MAP3K13: variants seen among roughly 807,000 people sequenced by gnomAD.
MAP3K13 encodes leucine zipper-bearing kinase.
Under a neutral mutation model 104.0 loss-of-function variants are expected in MAP3K13, and 52 were observed. That is an observed-to-expected ratio of 0.50 (90% CI 0.40 to 0.63). The LOEUF is 0.63. MAP3K13 is among the 20% of genes least tolerant of loss of function. MAP3K13 has a pLI of 0.00. For missense variants in MAP3K13, 914 were observed against 1,218.5 expected, an observed-to-expected ratio of 0.75 and a Z score of 3.72; for synonymous variants, 394 against 442.2, an observed-to-expected ratio of 0.89 and a Z score of 1.37.
At chr3:185,385,264 C>G (rs578181398) in intron 1 of MAP3K13, among the ~76,000 whole-genome samples, 1 of 152,182 alleles carries the variant, frequency 6.6e-6, no homozygotes, top group Non-Finnish European at 1.5e-5. Context: ...GATTCTCCTG[C>G]CTCAGCCTCC....
intron 1 of MAP3K13, among the ~76,000 whole-genome samples, chr3:185,409,480 A>T (rs1713306271): frequency 6.6e-6 from 1 of 152,216 alleles, no homozygotes; most frequent in African/African-American, 2.4e-5. Flanking sequence ...AAAAAGATAA[A>T]AACATAAACG....
chr3:185,370,903 A>G (rs929275157), intron 1 of MAP3K13, among the ~76,000 whole-genome samples: 5 of 152,082 alleles, frequency 3.3e-5, no homozygotes, highest in Admixed American at 6.6e-5. Flanking sequence ...AATTCATCCT[A>G]TTACCTCTTT....
intron 1 of MAP3K13, among the ~76,000 whole-genome samples, chr3:185,376,624 G>A (rs968603977): frequency 1.3e-5 from 2 of 151,814 alleles, no homozygotes; most frequent in African/African-American, 2.4e-5. Flanking sequence ...GTAGGGAAAG[G>A]ATTTAGGATC....
At chr3:185,319,564 T>A (rs973898728) in intron 2 of MAP3K13, among the ~76,000 whole-genome samples, 1 of 152,246 alleles carries the variant, frequency 6.6e-6, no homozygotes, top group African/African-American at 2.4e-5. Context: ...TGGGAAGCTC[T>A]GCTAGTGTGT....
chr3:185,351,575 C>T (rs1723141978), intron 2 of MAP3K13, among the ~76,000 whole-genome samples: 2 of 152,076 alleles, frequency 1.3e-5, no homozygotes, highest in South Asian at 4.2e-4. Flanking sequence ...AGACTATGGA[C>T]AAATCTCTGA....
chr3:185,326,054 G>A (rs1031448805), intron 2 of MAP3K13, among the ~76,000 whole-genome samples: 2 of 152,034 alleles, frequency 1.3e-5, no homozygotes, highest in Admixed American at 6.6e-5. Flanking sequence ...CCTTCTCAGT[G>A]AGTCCTGAAT....
chr3:185,455,532 A>ACATATATATGACATATAT (rs1473879835), intron 7 of MAP3K13, among the ~76,000 whole-genome samples: 1 of 31,046 alleles, frequency 3.2e-5, no homozygotes, highest in Non-Finnish European at 8.3e-5. Context: ...GATATATATG[A>ACATATATATGACATATAT]GATATATATG....
In MAP3K13 at chr3:185,365,927, C is replaced by T. The variant is rs1335455951; in HGVS notation, c.-86+2559C>T. Among the ~76,000 whole-genome samples the T allele has an allele frequency of 4.6e-3, 138 of 29,826 alleles. 4 individuals are homozygous for T. Among genetic ancestry groups the T allele is most frequent in the African/African-American group, 0.011 (127 of 11,682 alleles). The allele number at this position is 29,826 out of a possible 152,430, so 19.6% of individuals were successfully genotyped here. On this transcript the variant is annotated intron_variant, in intron 1 of 13. Transcript: ENST00000265026. ...CTCCCCTCTCTTCCCCTCCCCTTTC[C>T]CTTCCCTCCCTCCCTCCCTCCCTCC...
At chr3:185,338,270 C>T (rs1318825848) in intron 2 of MAP3K13, among the ~76,000 whole-genome samples, 1 of 142,150 alleles carries the variant, frequency 7.0e-6, no homozygotes, top group African/African-American at 2.7e-5. Flanking sequence ...GCAGAGGTTG[C>T]AGTGAACCAA....
intron 2 of MAP3K13, among the ~76,000 whole-genome samples, chr3:185,328,375 G>A (rs1185483658): frequency 2.6e-5 from 4 of 152,070 alleles, no homozygotes; most frequent in Non-Finnish European, 4.4e-5. Flanking sequence ...TCAGCCTCCC[G>A]AGTAGCTGGG....
At chr3:185,366,783 T>C (rs550110578) in intron 1 of MAP3K13, among the ~76,000 whole-genome samples, 7 of 152,348 alleles carry the variant, frequency 4.6e-5, no homozygotes, top group African/African-American at 1.2e-4. Context: ...AAAAATTAAA[T>C]TATCTTTTAA....
At chr3:185,453,487 T>G (rs1400746103) in intron 7 of MAP3K13, among the ~76,000 whole-genome samples, 1 of 152,060 alleles carries the variant, frequency 6.6e-6, no homozygotes, top group East Asian at 1.9e-4. Flanking sequence ...AGGGGCATCA[T>G]CCCTGGGAGC....
In MAP3K13 at chr3:185,437,645, T is replaced by TC; in HGVS notation, c.659+15_659+16insC. On this transcript the variant is annotated intron_variant, in intron 3 of 13. Transcript: ENST00000265026. ...ATCGCATTCAAGTAGGTCAAGGCTT[T>TC]TTTTTTTTAAGAAGTAGACCTATTT... is the stretch of plus-strand genomic sequence containing the variant. 7 of 1,570,734 alleles carry TC rather than the reference T, an allele frequency of 4.5e-6. No homozygotes were observed. Among genetic ancestry groups the TC allele is most frequent in the Non-Finnish European group, 6.0e-6 (7 of 1,164,432 alleles).
intron 2 of MAP3K13, chr3:185,285,678 T>A (rs774155515): frequency 1.1e-4 from 161 of 1,513,420 alleles, no homozygotes; most frequent in Non-Finnish European, 1.3e-4. Flanking sequence ...TTTGGTGAGA[T>A]GGTAGACCAA....
At chr3:185,410,934 A>T (rs557544377) in intron 1 of MAP3K13, among the ~76,000 whole-genome samples, 5 of 135,670 alleles carry the variant, frequency 3.7e-5, no homozygotes, top group Non-Finnish European at 6.3e-5. Context: ...GACTCTGTCT[A>T]AAAAAAAAAA....
chr3:185,331,092 C>CT (rs34204309), intron 2 of MAP3K13, among the ~76,000 whole-genome samples: 1,472 of 108,500 alleles, frequency 0.014, 59 homozygotes, highest in East Asian at 0.039. Flanking sequence ...CCTAATTTAC[C>CT]TTTTTTTTTT....
intron 2 of MAP3K13, among the ~76,000 whole-genome samples, chr3:185,304,359 G>T (rs964559861): frequency 6.6e-6 from 1 of 152,100 alleles, no homozygotes; most frequent in African/African-American, 2.4e-5. Context: ...TAAGTCATCT[G>T]TTCTCTTATT....
chr3:185,480,470 C>T lies in MAP3K13; in HGVS notation c.2740C>T (p.Arg914Cys), dbSNP rs201522676. 2.0e-5 allele frequency: 32 copies of T among 1,614,128 alleles called. No homozygotes were observed. The highest frequency in any genetic ancestry group is 8.3e-5 in the Admixed American group (5 of 60,014). ...GCTCTCTGACAAGGAGTGTGCCGTGCGCCGTGTGAAGACTCAGATGTCTCT... is the reference window on the plus strand; with the variant it reads ...GCTCTCTGACAAGGAGTGTGCCGTGTGCCGTGTGAAGACTCAGATGTCTCT... ...DGLSDKECAV[R>C]RVKTQMSLGK... Residue 914 changes from arginine to cysteine, a missense_variant, in exon 13 of 14, where the codon CGC becomes TGC. By Grantham distance (180) the Arg-to-Cys change is radical (BLOSUM62 -3). Transcript: ENST00000265026.
intron 2 of MAP3K13, among the ~76,000 whole-genome samples, chr3:185,290,125 G>A (rs1018178637): frequency 2.6e-5 from 4 of 151,138 alleles, no homozygotes; most frequent in East Asian, 3.9e-4. Context: ...CTTGAATAAC[G>A]TTTTTTTTGG....
Sources: allele counts gnomAD v4.1 joint callset (sites outside exome capture counted in the v4.1 genomes callset), GRCh38; gene constraint gnomAD v4.1.1; transcripts MANE v1.5; gene names NCBI Gene and HGNC (gene_info 2026-07-23, HGNC 2026-07-21).